Variants in AOPEP observed in about 807,000 individuals in gnomAD.
AOPEP encodes aminopeptidase O (putative), also known as aminopeptidase O.
AOPEP carries 77 observed loss-of-function variants against 98.1 expected under a neutral mutation model. The observed-to-expected ratio is 0.78, with a 90% CI of 0.65 to 0.95. AOPEP has a LOEUF of 0.95. AOPEP is among the 40% of genes least tolerant of loss of function. The pLI is 0.00. For missense variants in AOPEP, 1,024 were observed against 1,024.7 expected, an observed-to-expected ratio of 1.00 and a Z score of 0.01; for synonymous variants, 346 against 365.3, an observed-to-expected ratio of 0.95 and a Z score of 0.60.
At chr9:94,969,292 C>T (rs573391671) in intron 10 of AOPEP, among the ~76,000 whole-genome samples, 24 of 152,176 alleles carry the variant, frequency 1.6e-4, no homozygotes, top group Middle Eastern at 3.4e-3. Flanking sequence ...GGCTGACCAC[C>T]GACAGGGTTT....
chr9:94,825,725 T>C (rs533039143), intron 5 of AOPEP, among the ~76,000 whole-genome samples: 2 of 152,328 alleles, frequency 1.3e-5, no homozygotes, highest in Non-Finnish European at 2.9e-5. Context: ...GACTGTTTTA[T>C]TCCATTCAGG....
At chr9:95,103,862 C>T in the AOPEP span, among the ~76,000 whole-genome samples, 3 of 152,204 alleles carry the variant, frequency 2.0e-5, no homozygotes, top group African/African-American at 4.8e-5. Context: ...TGGAGCCACT[C>T]GCTCAAGCCA....
chr9:95,039,970 G>A (rs1330004224), intron 13 of AOPEP, among the ~76,000 whole-genome samples: 1 of 152,202 alleles, frequency 6.6e-6, no homozygotes, highest in Non-Finnish European at 1.5e-5. Context: ...TGTTAAAGAT[G>A]CTATTTGAAT....
downstream of AOPEP, among the ~76,000 whole-genome samples, chr9:95,090,012 T>C (rs2070844278): frequency 6.6e-6 from 1 of 152,200 alleles, no homozygotes; most frequent in Non-Finnish European, 1.5e-5. Context: ...GGGGCTTTCT[T>C]AGGCTCTAAA....
chr9:95,124,683 A>G, the AOPEP span, among the ~76,000 whole-genome samples: 1 of 152,182 alleles, frequency 6.6e-6, no homozygotes, highest in Non-Finnish European at 1.5e-5. Context: ...AGTGCTTTGT[A>G]ATAAGTGCCC....
At chr9:94,968,012 G>T (rs988430242) in intron 10 of AOPEP, among the ~76,000 whole-genome samples, 1 of 152,114 alleles carries the variant, frequency 6.6e-6, no homozygotes. Context: ...CACGACTGAA[G>T]ATCCCCAAAG....
At chr9:94,855,005 C>G (rs956158119) in intron 5 of AOPEP, among the ~76,000 whole-genome samples, 1 of 152,184 alleles carries the variant, frequency 6.6e-6, no homozygotes, top group Non-Finnish European at 1.5e-5. Flanking sequence ...CTAAACAGTA[C>G]TGTAAACAGT....
chr9:95,022,693 A>G (rs948831657), intron 13 of AOPEP, among the ~76,000 whole-genome samples: 13 of 152,252 alleles, frequency 8.5e-5, no homozygotes, highest in African/African-American at 2.6e-4. Context: ...TATGTTAGAA[A>G]TCACTCAAAA....
intron 16 of AOPEP, 28 bp downstream of exon 16, chr9:95,082,747 T>G: frequency 6.2e-7 from 1 of 1,613,066 alleles, no homozygotes. Flanking sequence ...CTTTCTGTCA[T>G]TTAGTTCTAA....
intron 5 of AOPEP, among the ~76,000 whole-genome samples, chr9:94,885,127 T>G (rs2048060814): frequency 6.6e-6 from 1 of 151,612 alleles, no homozygotes; most frequent in Non-Finnish European, 1.5e-5. Context: ...GGAGGGTGGA[T>G]CACTTGAACC....
chr9:94,909,690 T>G (rs1034380848), intron 5 of AOPEP, among the ~76,000 whole-genome samples: 1 of 152,230 alleles, frequency 6.6e-6, no homozygotes, highest in Non-Finnish European at 1.5e-5. Flanking sequence ...TGGCATACGC[T>G]GATGTCTGCC....
At chr9:94,779,982 T>C (rs1051015475) in intron 3 of AOPEP, among the ~76,000 whole-genome samples, 1 of 152,246 alleles carries the variant, frequency 6.6e-6, no homozygotes, top group Non-Finnish European at 1.5e-5. Flanking sequence ...TGCAATCATA[T>C]ACACTAATAC....
the AOPEP span, among the ~76,000 whole-genome samples, chr9:95,115,465 T>A: frequency 6.6e-6 from 1 of 152,342 alleles, no homozygotes; most frequent in African/African-American, 2.4e-5. Flanking sequence ...AGGGCTGTGA[T>A]GAATTCACAA....
At chr9:95,139,510 T>A in the AOPEP span, among the ~76,000 whole-genome samples, 1 of 152,106 alleles carries the variant, frequency 6.6e-6, no homozygotes, top group Non-Finnish European at 1.5e-5. Flanking sequence ...AACACTGCAG[T>A]GTGCACCCAC....
At chr9:94,949,120 A>G (rs1281023512) in intron 7 of AOPEP, among the ~76,000 whole-genome samples, 1 of 152,152 alleles carries the variant, frequency 6.6e-6, no homozygotes, top group East Asian at 1.9e-4. Flanking sequence ...GCTGTGTTGA[A>G]TGGGACAATA....
intron 13 of AOPEP, among the ~76,000 whole-genome samples, chr9:95,052,924 T>G (rs2066508238): frequency 6.6e-6 from 1 of 152,180 alleles, no homozygotes; most frequent in South Asian, 2.1e-4. Flanking sequence ...TGATTGCTGC[T>G]TGCACAGAAC....
chr9:94,766,411 C>A (rs1242050222), intron 2 of AOPEP, among the ~76,000 whole-genome samples: 2 of 152,184 alleles, frequency 1.3e-5, no homozygotes, highest in Non-Finnish European at 2.9e-5. Flanking sequence ...GTGGCGGGCG[C>A]CCGTTGTCCC....
At chr9:94,841,128 A>T (rs1020055671) in intron 5 of AOPEP, among the ~76,000 whole-genome samples, 7 of 151,598 alleles carry the variant, frequency 4.6e-5, no homozygotes, top group Non-Finnish European at 1.0e-4. Flanking sequence ...ACTGAATGAC[A>T]TAAATCTCCT....
chr9:95,008,877 T>C (rs958997165), intron 13 of AOPEP, among the ~76,000 whole-genome samples: 1 of 152,234 alleles, frequency 6.6e-6, no homozygotes, highest in African/African-American at 2.4e-5. Context: ...GCCCTTGTTC[T>C]CCTGGTATGA....
Sources: gnomAD v4.1 joint callset for allele counts (sites outside exome capture counted in the v4.1 genomes callset) on GRCh38, gnomAD v4.1.1 for gene constraint, MANE v1.5 for transcripts, NCBI Gene and HGNC (gene_info 2026-07-23, HGNC 2026-07-21) for gene names.